RBMS2: variants seen among roughly 807,000 people sequenced by gnomAD.
RBMS2 encodes the protein RNA binding motif single stranded interacting protein 2.
A neutral mutation model predicts 58.4 loss-of-function variants in RBMS2; 38 were observed. That is an observed-to-expected ratio of 0.65 (90% CI 0.50 to 0.85). The LOEUF (loss-of-function observed/expected upper bound fraction) is 0.85. RBMS2 is among the 40% of genes least tolerant of loss of function. The pLI, the probability that RBMS2 is intolerant of heterozygous loss-of-function variation, is 0.00. For synonymous variants in RBMS2, 151 were observed against 180.7 expected, an observed-to-expected ratio of 0.84 and a Z score of 1.32; for missense variants, 367 against 503.7, an observed-to-expected ratio of 0.73 and a Z score of 2.60.
chr12:56,525,024 A>C (rs1413330952), intron 1 of RBMS2, among the ~76,000 whole-genome samples: 2 of 150,794 alleles, frequency 1.3e-5, no homozygotes, highest in East Asian at 2.0e-4. Flanking sequence ...GCCTGGCCCC[A>C]TATTTTTATT....
intron 8 of RBMS2, 68 bp downstream of exon 8, chr12:56,581,947 A>G: frequency 1.3e-6 from 2 of 1,585,608 alleles, no homozygotes; most frequent in South Asian, 2.2e-5. Flanking sequence ...CAAATGATTC[A>G]TCTTGATTCT....
rs1403088682 is a variant in RBMS2 at position 56,562,464 on chromosome 12, C to G, written c.114C>G (p.Asn38Lys). 1 of 1,608,620 alleles carries G rather than the reference C, an allele frequency of 6.2e-7. No individual in the cohort carries two copies. Among genetic ancestry groups the G allele is most frequent in the Admixed American group, 1.7e-5 (1 of 59,994 alleles). The stretch of plus-strand genomic sequence containing the variant: ...AGATGGCACCACCTAGCCCAAGCAA[C>G]AGTACACCTAACAGCAGTAGTGGAA... ...AQQMAPPSPS[N>K]STPNSSSGSN... Residue 38 changes from asparagine (N) to lysine (K), a missense_variant, in exon 2 of 14, where the codon AAC becomes AAG. Physicochemically the swap from Asn to Lys is moderately conservative, Grantham distance 94. Coordinates refer to ENST00000262031, the MANE Select transcript of RBMS2 (RefSeq NM_002898.4).
At chr12:56,542,895 A>C (rs1181683037) in intron 1 of RBMS2, among the ~76,000 whole-genome samples, 1 of 150,384 alleles carries the variant, frequency 6.6e-6, no homozygotes, top group Non-Finnish European at 1.5e-5. Flanking sequence ...TCTTTTTATT[A>C]TTTTTATTTA....
intron 9 of RBMS2, among the ~76,000 whole-genome samples, 153 bp downstream of exon 9, chr12:56,582,305 T>C (rs561328115): frequency 6.6e-6 from 1 of 152,320 alleles, no homozygotes; most frequent in South Asian, 2.1e-4. Flanking sequence ...GATCTGTGCA[T>C]GTGGTCATAT....
intron 1 of RBMS2, among the ~76,000 whole-genome samples, chr12:56,535,059 G>T (rs946319826): frequency 5.3e-5 from 8 of 152,022 alleles, no homozygotes; most frequent in Non-Finnish European, 1.0e-4. Flanking sequence ...ACACTCTCCT[G>T]GTTTTCTTCT....
At chr12:56,527,571 C>T (rs1872878204) in intron 1 of RBMS2, among the ~76,000 whole-genome samples, 3 of 151,974 alleles carry the variant, frequency 2.0e-5, no homozygotes, top group Admixed American at 2.0e-4. Context: ...GAGATCGCGC[C>T]ATTGCACTTC....
chr12:56,521,851 C>G lies in RBMS2; in HGVS notation c.-173C>G, dbSNP rs574734629. On this transcript the variant is annotated 5_prime_UTR_variant, in exon 1 of 14. Coordinates refer to ENST00000262031, the MANE Select transcript of RBMS2 (RefSeq NM_002898.4). Reference sequence around the variant, plus strand: ...AGCTCATTCTCTGCCCGCAGCCCCCCTTCATCTCTCTCCTCCTGCTCCTTT... The same window carrying G: ...AGCTCATTCTCTGCCCGCAGCCCCCGTTCATCTCTCTCCTCCTGCTCCTTT... The G allele has an allele frequency of 1.0e-3, 530 of 525,070 alleles. No homozygotes were observed. The highest frequency in any genetic ancestry group is 1.4e-3 in the Non-Finnish European group (431 of 301,066). The allele number at this position is 525,070 out of a possible 1,614,324, so 32.5% of individuals were successfully genotyped here.
intron 2 of RBMS2, among the ~76,000 whole-genome samples, chr12:56,564,302 G>A (rs907759604): frequency 1.8e-4 from 28 of 152,024 alleles, no homozygotes; most frequent in African/African-American, 6.8e-4. Context: ...GTATCTGGGG[G>A]GGATTTGTTC....
chr12:56,587,665 G>A lies in RBMS2; in HGVS notation c.1062+1G>A, dbSNP rs745599387. Reference sequence around the variant, plus strand: ...TCTCTCCCTCAGCAGCACAGGCACGGTAAAGCAGGATATTTCTGATTGTAA... The same window carrying A: ...TCTCTCCCTCAGCAGCACAGGCACGATAAAGCAGGATATTTCTGATTGTAA... On this transcript the variant is annotated splice_donor_variant, in intron 11 of 13. Coordinates refer to ENST00000262031, the MANE Select transcript of RBMS2 (RefSeq NM_002898.4). LOFTEE classifies it high-confidence loss of function. 1 of 1,612,430 alleles carries A rather than the reference G, an allele frequency of 6.2e-7. No homozygotes were observed. The highest frequency in any genetic ancestry group is 1.7e-5 in the Admixed American group (1 of 59,950).
At chr12:56,536,414 A>G (rs937853095) in intron 1 of RBMS2, among the ~76,000 whole-genome samples, 1 of 151,322 alleles carries the variant, frequency 6.6e-6, no homozygotes, top group Non-Finnish European at 1.5e-5. Flanking sequence ...ATGAGCCACC[A>G]TGCCTGGCCT....
upstream of RBMS2, among the ~76,000 whole-genome samples, chr12:56,521,619 C>T (rs193047842): frequency 1.4e-5 from 2 of 146,584 alleles, no homozygotes; most frequent in African/African-American, 5.0e-5. Context: ...CCCTCATTGT[C>T]TTTATATGAG....
At chr12:56,577,011 A>G (rs1417155515) in intron 5 of RBMS2, among the ~76,000 whole-genome samples, 1 of 148,718 alleles carries the variant, frequency 6.7e-6, no homozygotes, top group Non-Finnish European at 1.5e-5. Context: ...ACTGCACTCC[A>G]GCCTGGATGA....
chr12:56,533,408 CTTTTTTTTTTT>C (rs1164155079), intron 1 of RBMS2, among the ~76,000 whole-genome samples: 1 of 65,310 alleles, frequency 1.5e-5, no homozygotes, highest in Non-Finnish European at 2.6e-5. Context: ...AGCCCTATTA[CTTTTTTTTTTT>C]TTTTTTTTTT....
At chr12:56,574,402 G>C (rs1297726766) in intron 5 of RBMS2, among the ~76,000 whole-genome samples, 2 of 152,164 alleles carry the variant, frequency 1.3e-5, no homozygotes, top group East Asian at 3.8e-4. Context: ...TTTTCTTATG[G>C]TATTTGCTTT....
Position 56,595,631 on chromosome 12 carries a change from TGG to T in RBMS2, c.*6499_*6500del. 1 of 151,956 alleles carries T rather than the reference TGG, an allele frequency of 6.6e-6. No individual in the cohort carries two copies. Among genetic ancestry groups the T allele is most frequent in the Non-Finnish European group, 1.5e-5 (1 of 67,980 alleles). The allele number at this position is 151,956 out of a possible 1,614,324, so 9.4% of individuals were successfully genotyped here. ...TGGTGTCTTATCCGTGAGTGGGAAG[TGG>T]TAAGCTGGTGATGGTCCCATATTTG... On this transcript the variant is annotated 3_prime_UTR_variant, in exon 14 of 14. Coordinates refer to ENST00000262031, the MANE Select transcript of RBMS2 (RefSeq NM_002898.4).
intron 1 of RBMS2, among the ~76,000 whole-genome samples, chr12:56,541,127 C>G (rs2136300334): frequency 6.6e-6 from 1 of 150,706 alleles, no homozygotes; most frequent in South Asian, 2.1e-4. Flanking sequence ...CCCAAAACCG[C>G]TAAGTCTCTG....
Position 56,521,855 on chromosome 12 carries a change from A to T in RBMS2, c.-169A>T. ...CATTCTCTGCCCGCAGCCCCCCTTC[A>T]TCTCTCTCCTCCTGCTCCTTTTCTC... On this transcript the variant is annotated 5_prime_UTR_variant, in exon 1 of 14. Transcript: ENST00000262031. The T allele has an allele frequency of 1.1e-5, 4 of 358,976 alleles. No individual in the cohort carries two copies. Among genetic ancestry groups the T allele is most frequent in the East Asian group, 7.5e-5 (1 of 13,340 alleles). 22.2% of individuals were successfully genotyped at this position (358,976 alleles called of 1,614,324 possible).
chr12:56,539,352 T>C (rs1875642195), intron 1 of RBMS2, among the ~76,000 whole-genome samples: 2 of 152,268 alleles, frequency 1.3e-5, no homozygotes, highest in East Asian at 3.9e-4. Context: ...TGTTTGTGTA[T>C]TGATTCAGCA....
rs904368278 is a variant in RBMS2 at position 56,595,058 on chromosome 12, G to A, written c.*5925G>A. 6.6e-6 allele frequency: 1 copy of A among 152,272 alleles called. No homozygotes were observed. Among genetic ancestry groups the A allele is most frequent in the Non-Finnish European group, 1.5e-5 (1 of 68,106 alleles). 9.4% of individuals were successfully genotyped at this position (152,272 alleles called of 1,614,324 possible). A position where few individuals can be genotyped will look rare whatever the true frequency, so the allele number is the denominator to read the frequency against. On this transcript the variant is annotated 3_prime_UTR_variant, in exon 14 of 14. Transcript: ENST00000262031. ...GATAGGTCCTGCTGTGATAGGCCAGGGGAGTAGGCTGTGCAGTGACGGCTT... is the reference window on the plus strand; with the variant it reads ...GATAGGTCCTGCTGTGATAGGCCAGAGGAGTAGGCTGTGCAGTGACGGCTT...
Sources: allele counts gnomAD v4.1 joint callset (sites outside exome capture counted in the v4.1 genomes callset), GRCh38; gene constraint gnomAD v4.1.1; transcripts MANE v1.5; gene names NCBI Gene and HGNC (gene_info 2026-07-23, HGNC 2026-07-21).